Variants in CCSER1 observed in about 807,000 individuals in gnomAD.
CCSER1 encodes serine-rich coiled-coil domain-containing protein 1.
A neutral mutation model predicts 82.0 loss-of-function variants in CCSER1; 41 were observed. The ratio of observed to expected loss-of-function variants is 0.50; its 90% CI spans 0.39 to 0.65. The LOEUF is 0.65. CCSER1 is among the 30% of genes least tolerant of loss of function. The probability of loss-of-function intolerance (pLI) is 0.00; values close to 1 mark genes in which losing one functional copy is unlikely to be tolerated. For synonymous variants in CCSER1, 414 were observed against 383.9 expected, an observed-to-expected ratio of 1.08 and a Z score of -0.92; for missense variants, 1,119 against 1,064.2, an observed-to-expected ratio of 1.05 and a Z score of -0.72.
chr4:90,325,729 G>T, intron 3 of CCSER1: 1 of 374,252 alleles, frequency 2.7e-6, no homozygotes, highest in South Asian at 2.0e-5. Flanking sequence ...ATTCATTTTA[G>T]ACAATGAAGA....
At chr4:90,364,589 A>G (rs1745944082) in intron 3 of CCSER1, among the ~76,000 whole-genome samples, 1 of 152,052 alleles carries the variant, frequency 6.6e-6, no homozygotes, top group South Asian at 2.1e-4. Flanking sequence ...AAAGCATTAA[A>G]GTAGTTTGAT....
intron 1 of CCSER1, among the ~76,000 whole-genome samples, chr4:90,135,178 C>T (rs973742457): frequency 3.3e-5 from 5 of 152,160 alleles, no homozygotes; most frequent in African/African-American, 1.2e-4. Flanking sequence ...TGTGGCTTAA[C>T]ATTAAGCAGC....
At chr4:90,553,765 G>A (rs935712031) in intron 5 of CCSER1, among the ~76,000 whole-genome samples, 1 of 152,246 alleles carries the variant, frequency 6.6e-6, no homozygotes, top group African/African-American at 2.4e-5. Flanking sequence ...GAAAGTTATT[G>A]TACAGTGCAG....
At chr4:90,822,540 A>G (rs1459655284) in intron 8 of CCSER1, among the ~76,000 whole-genome samples, 1 of 152,134 alleles carries the variant, frequency 6.6e-6, no homozygotes, top group Non-Finnish European at 1.5e-5. Flanking sequence ...CAGCATGGCC[A>G]ACATGGTGAA....
At chr4:91,192,112 T>C (rs1735044419) in intron 10 of CCSER1, among the ~76,000 whole-genome samples, 1 of 152,182 alleles carries the variant, frequency 6.6e-6, no homozygotes, top group Admixed American at 6.6e-5. Flanking sequence ...ACACAGGACA[T>C]TGGTCATTCT....
At chr4:90,314,767 T>A (rs1415560831) in intron 3 of CCSER1, among the ~76,000 whole-genome samples, 4 of 136,918 alleles carry the variant, frequency 2.9e-5, no homozygotes, top group Non-Finnish European at 4.8e-5. Context: ...AAATAAAAAA[T>A]AAATAAATAA....
chr4:90,294,571 G>A (rs1222784995), intron 1 of CCSER1, among the ~76,000 whole-genome samples: 2 of 152,054 alleles, frequency 1.3e-5, no homozygotes, highest in Non-Finnish European at 2.9e-5. Flanking sequence ...GGAAACCACT[G>A]TTAATAATTT....
chr4:91,466,973 A>T (rs1756950184), intron 10 of CCSER1, among the ~76,000 whole-genome samples: 1 of 152,190 alleles, frequency 6.6e-6, no homozygotes, highest in South Asian at 2.1e-4. Flanking sequence ...CAAGCTACCA[A>T]TGACTTTCTT....
intron 8 of CCSER1, among the ~76,000 whole-genome samples, chr4:90,837,267 CAAAA>C (rs1761924387): frequency 6.6e-6 from 1 of 151,864 alleles, no homozygotes; most frequent in Admixed American, 6.6e-5. Flanking sequence ...ACAAAGTTAA[CAAAA>C]AACAAAATAT....
At chr4:91,509,482 A>T (rs1759708211) in intron 10 of CCSER1, among the ~76,000 whole-genome samples, 2 of 152,024 alleles carry the variant, frequency 1.3e-5, no homozygotes, top group Non-Finnish European at 1.5e-5. Flanking sequence ...ATTGAGGTTC[A>T]TTTTATGGCC....
chr4:91,187,494 C>G (rs1734655060), intron 10 of CCSER1, among the ~76,000 whole-genome samples: 1 of 151,468 alleles, frequency 6.6e-6, no homozygotes, highest in Non-Finnish European at 1.5e-5. Flanking sequence ...TTTGGTAATA[C>G]AAACTCTGTG....
chr4:91,291,875 C>T (rs1011255228), intron 10 of CCSER1, among the ~76,000 whole-genome samples: 2 of 152,052 alleles, frequency 1.3e-5, no homozygotes, highest in African/African-American at 4.8e-5. Flanking sequence ...TGATTCCAGT[C>T]CATCCACATC....
In CCSER1 at chr4:91,216,672, C is replaced by A. The variant is rs571497026; in HGVS notation, c.2217+130678C>A. ...GTTTAAGAGACTTTCCCTTAGCAGT[C>A]TTTCTTACACATAGGATACATACTT... On this transcript the variant is annotated intron_variant, in intron 10 of 10. Transcript: ENST00000509176. 9.2e-5 allele frequency among the ~76,000 whole-genome samples: 14 copies of A among 152,264 alleles called. No homozygotes were observed. In the South Asian group the frequency reaches 1.5e-3, roughly 16 times the overall value.
At chr4:91,318,021 G>T (rs1218788683) in intron 10 of CCSER1, among the ~76,000 whole-genome samples, 4 of 151,882 alleles carry the variant, frequency 2.6e-5, no homozygotes, top group Non-Finnish European at 5.9e-5. Flanking sequence ...TGGAGAGGCA[G>T]ATTTTTTTGT....
chr4:90,229,944 A>G (rs1356891072), intron 1 of CCSER1, among the ~76,000 whole-genome samples: 1 of 152,230 alleles, frequency 6.6e-6, no homozygotes, highest in Non-Finnish European at 1.5e-5. Context: ...ATATGCACCC[A>G]AAATAGGAGC....
chr4:90,529,505 C>T (rs931425657), intron 5 of CCSER1, among the ~76,000 whole-genome samples: 7 of 152,310 alleles, frequency 4.6e-5, no homozygotes, highest in Admixed American at 4.6e-4. Flanking sequence ...ACTGGGATTA[C>T]AGGCGTGAGC....
chr4:90,735,687 G>A (rs532961245), intron 7 of CCSER1, among the ~76,000 whole-genome samples: 1 of 151,794 alleles, frequency 6.6e-6, no homozygotes, highest in South Asian at 2.1e-4. Flanking sequence ...TATTGGTATG[G>A]GCTTTCTCTC....
At chr4:90,129,593 T>C (rs1206368971) in intron 1 of CCSER1, among the ~76,000 whole-genome samples, 2 of 152,240 alleles carry the variant, frequency 1.3e-5, no homozygotes, top group Non-Finnish European at 2.9e-5. Flanking sequence ...AACCACACTT[T>C]CAATAGTTTC....
At chr4:90,197,233 G>A (rs1036579870) in intron 1 of CCSER1, among the ~76,000 whole-genome samples, 1 of 152,088 alleles carries the variant, frequency 6.6e-6, no homozygotes, top group African/African-American at 2.4e-5. Context: ...TTAAGGTATG[G>A]TAGAAGGGGT....
Sources: gnomAD v4.1 joint callset for allele counts (sites outside exome capture counted in the v4.1 genomes callset) on GRCh38, gnomAD v4.1.1 for gene constraint, MANE v1.5 for transcripts, NCBI Gene and HGNC (gene_info 2026-07-23, HGNC 2026-07-21) for gene names.